The following ARHGAP28 variants were observed in gnomAD, a reference collection of about 807,000 sequenced individuals.
ARHGAP28 encodes the protein rho GTPase-activating protein 28.
A neutral mutation model predicts 90.7 loss-of-function variants in ARHGAP28; 56 were observed. The observed-to-expected ratio is 0.62, with a 90% confidence interval of 0.50 to 0.77. The LOEUF is 0.77. Ranked by LOEUF, ARHGAP28 falls within the 30% of genes least tolerant of loss-of-function variation. ARHGAP28 has a pLI of 0.00. For synonymous variants in ARHGAP28, 308 were observed against 323.3 expected (o/e 0.95, Z 0.51); for missense variants, 869 against 900.9 (o/e 0.96, Z 0.45).
At chr18:6,814,922 G>C (rs1335225401) in intron 1 of ARHGAP28, among the ~76,000 whole-genome samples, 1 of 152,118 alleles carries the variant, frequency 6.6e-6, no homozygotes, top group Admixed American at 6.5e-5. Flanking sequence ...TTAGTAAAGA[G>C]CCAGAAAAAG....
rs974075842 is a variant in ARHGAP28, at chr18:6,890,223, C to T, written c.1734+138C>T. ...ACCCCAGGTGGCTGTGACAGCCTTA[C>T]ACCTTCTGGAAGGGCTGCTCTTCAA... is the stretch of plus-strand genomic sequence containing the variant. On this transcript the variant is annotated intron_variant, in intron 13 of 17. Coordinates refer to ENST00000383472, the MANE Select transcript of ARHGAP28 (RefSeq NM_001366230.1). The T allele has an allele frequency of 1.4e-5, 14 of 972,560 alleles. No homozygotes were observed. In the African/African-American group the frequency reaches 2.3e-4, roughly 16 times the overall value. The allele number at this position is 972,560 out of a possible 1,614,324, so 60.2% of individuals were successfully genotyped here.
intron 1 of ARHGAP28, among the ~76,000 whole-genome samples, chr18:6,773,746 A>G (rs1600170713): frequency 6.6e-6 from 1 of 152,214 alleles, no homozygotes; most frequent in Non-Finnish European, 1.5e-5. Context: ...CAATCACAAC[A>G]GTTATGGTTT....
At chr18:6,876,988 T>C (rs2057136347) in intron 10 of ARHGAP28, among the ~76,000 whole-genome samples, 1 of 152,208 alleles carries the variant, frequency 6.6e-6, no homozygotes, top group Non-Finnish European at 1.5e-5. Flanking sequence ...GATCACTCCC[T>C]GTCTTGCAGA....
intron 2 of ARHGAP28, among the ~76,000 whole-genome samples, chr18:6,825,216 G>T (rs1403735858): frequency 6.6e-6 from 1 of 152,114 alleles, no homozygotes; most frequent in African/African-American, 2.4e-5. Flanking sequence ...CTTATATACT[G>T]CTACTTAGGG....
intron 1 of ARHGAP28, among the ~76,000 whole-genome samples, chr18:6,802,275 T>TTA (rs1225714923): frequency 6.6e-6 from 1 of 151,742 alleles, no homozygotes; most frequent in African/African-American, 2.4e-5. Flanking sequence ...TGATTTCCTT[T>TTA]TATATATGTG....
At chr18:6,745,392 A>G (rs1191148718) in intron 1 of ARHGAP28, among the ~76,000 whole-genome samples, 1 of 152,174 alleles carries the variant, frequency 6.6e-6, no homozygotes, top group African/African-American at 2.4e-5. Flanking sequence ...CATGGAGGGA[A>G]AATTATATAA....
rs766800335 is a variant in ARHGAP28, at chr18:6,766,212, A to G, written c.122+36269A>G. 3.3e-5 allele frequency among the ~76,000 whole-genome samples: 5 copies of G among 152,140 alleles called. No individual in the cohort carries two copies. The East Asian group carries it at 5.8e-4, about 18-fold the overall frequency. On this transcript the variant is annotated intron_variant, in intron 1 of 17. Transcript: ENST00000383472. ...GGGAAGAGTGTTGAAATCTCCAACT[A>G]TAATTGTGCATGTGTCGCTCCTTTC... is the stretch of plus-strand genomic sequence containing the variant.
chr18:6,904,053 G>A (rs2057352162), intron 16 of ARHGAP28, among the ~76,000 whole-genome samples: 1 of 151,936 alleles, frequency 6.6e-6, no homozygotes, highest in African/African-American at 2.4e-5. Flanking sequence ...GAAGTCTTAA[G>A]CAAAATAAAA....
chr18:6,903,695 G>A (rs113301915), intron 16 of ARHGAP28, among the ~76,000 whole-genome samples: 53 of 152,004 alleles, frequency 3.5e-4, no homozygotes, highest in African/African-American at 1.3e-3. Context: ...GCTGAGCGTG[G>A]TGGTGGGCGC....
chr18:6,892,488 C>T (rs1412609698), intron 14 of ARHGAP28, among the ~76,000 whole-genome samples: 2 of 152,152 alleles, frequency 1.3e-5, no homozygotes, highest in East Asian at 3.9e-4. Context: ...GTCTGGACTT[C>T]CTTAGTTTCT....
chr18:6,852,858 G>A (rs1162300690), intron 4 of ARHGAP28, among the ~76,000 whole-genome samples: 5 of 152,156 alleles, frequency 3.3e-5, no homozygotes, highest in Non-Finnish European at 5.9e-5. Flanking sequence ...CAAGGAGACA[G>A]GAGGAAATGC....
At chr18:6,743,396 G>A (rs758389146) in intron 1 of ARHGAP28, among the ~76,000 whole-genome samples, 3 of 152,008 alleles carry the variant, frequency 2.0e-5, no homozygotes, top group Non-Finnish European at 4.4e-5. Flanking sequence ...CTCATCAGAC[G>A]GCCTGGCACT....
At chr18:6,866,638 GTTC>G (rs2143466509) in intron 5 of ARHGAP28, among the ~76,000 whole-genome samples, 1 of 152,248 alleles carries the variant, frequency 6.6e-6, no homozygotes, top group Admixed American at 6.5e-5. Flanking sequence ...GTGTTATTCT[GTTC>G]TTCTCATTGT....
At position 6,817,543 on chromosome 18, in the gene ARHGAP28, C is replaced by T. The variant is rs556242335; in HGVS notation, c.123-7219C>T. ...TGATTTTGGCTGCAAATAACAAACA[C>T]AACAAAGATGAGAGTAGGTTTTAAA... On this transcript the variant is annotated intron_variant, in intron 1 of 17. Coordinates refer to ENST00000383472, the MANE Select transcript of ARHGAP28 (RefSeq NM_001366230.1). Among the ~76,000 whole-genome samples, 105 of 152,264 alleles carry T rather than the reference C, an allele frequency of 6.9e-4. 1 individual carries two copies. The highest frequency in any genetic ancestry group is 2.4e-3 in the African/African-American group (100 of 41,542).
intron 16 of ARHGAP28, among the ~76,000 whole-genome samples, chr18:6,905,983 T>C (rs1187163254): frequency 6.6e-6 from 1 of 152,162 alleles, no homozygotes; most frequent in East Asian, 1.9e-4. Flanking sequence ...TCTATGAGTT[T>C]AATGCAATTC....
rs573288879 is a variant in ARHGAP28, at chr18:6,752,306, A to C, written c.122+22363A>C. Among the ~76,000 whole-genome samples the C allele has an allele frequency of 6.7e-4, 102 of 152,272 alleles. 1 individual carries two copies. The highest frequency in any genetic ancestry group is 1.2e-3 in the South Asian group (6 of 4,832). ...TCCACTATTGAGTTCTATAAACACA[A>C]TTTCTGGAGCTGTTTCAACAGAATG... On this transcript the variant is annotated intron_variant, in intron 1 of 17. Coordinates refer to ENST00000383472, the MANE Select transcript of ARHGAP28 (RefSeq NM_001366230.1).
At chr18:6,873,888 T>G in intron 9 of ARHGAP28, 113 bp downstream of exon 9, 2 of 895,272 alleles carry the variant, frequency 2.2e-6, no homozygotes, top group Middle Eastern at 2.9e-4. Context: ...ATCGCCCTAT[T>G]AGGACTCAGG....
chr18:6,871,290 AG>A (rs1032080851), intron 7 of ARHGAP28, among the ~76,000 whole-genome samples: 89 of 152,336 alleles, frequency 5.8e-4, no homozygotes, highest in African/African-American at 2.1e-3. Flanking sequence ...CAAATGAAAT[AG>A]GATTCTACCT....
chr18:6,766,210 C>A lies in ARHGAP28; in HGVS notation c.122+36267C>A, dbSNP rs761308652. Among the ~76,000 whole-genome samples the A allele has an allele frequency of 5.3e-5, 8 of 152,262 alleles. 1 individual carries two copies. The Middle Eastern group carries it at 0.01, about 194-fold the overall frequency. ...GAGGGAAGAGTGTTGAAATCTCCAACTATAATTGTGCATGTGTCGCTCCTT... is the reference window on the plus strand; with the variant it reads ...GAGGGAAGAGTGTTGAAATCTCCAAATATAATTGTGCATGTGTCGCTCCTT... On this transcript the variant is annotated intron_variant, in intron 1 of 17. Coordinates refer to ENST00000383472, the MANE Select transcript of ARHGAP28 (RefSeq NM_001366230.1).
Sources: gnomAD v4.1 joint callset for allele counts (sites outside exome capture counted in the v4.1 genomes callset) on GRCh38, gnomAD v4.1.1 for gene constraint, MANE v1.5 for transcripts, NCBI Gene and HGNC (gene_info 2026-07-23, HGNC 2026-07-21) for gene names.